Variants in PHACTR1 observed in about 807,000 individuals in gnomAD.
PHACTR1 encodes the protein phosphatase and actin regulator 1.
Under a neutral mutation model 69.2 loss-of-function variants are expected in PHACTR1, and 16 were observed. That is an observed-to-expected ratio of 0.23 (90% CI 0.16 to 0.35). The LOEUF (loss-of-function observed/expected upper bound fraction) is 0.35. Ranked by LOEUF, PHACTR1 falls within the 10% of genes least tolerant of loss-of-function variation. The pLI, the probability that PHACTR1 is intolerant of heterozygous loss-of-function variation, is 1.00. For missense variants in PHACTR1, 510 were observed against 734.7 expected (o/e 0.69, Z 3.54); for synonymous variants, 312 against 284.5 (o/e 1.10, Z -0.97).
At chr6:12,863,998 A>G (rs1043612520) in intron 4 of PHACTR1, among the ~76,000 whole-genome samples, 2 of 152,192 alleles carry the variant, frequency 1.3e-5, no homozygotes, top group African/African-American at 4.8e-5. Context: ...CACCGACACT[A>G]AGGCATTGTG....
rs186559620 is a variant in PHACTR1, at chr6:13,104,629, C to G, written c.415+51100C>G. Among the ~76,000 whole-genome samples the G allele has an allele frequency of 3.6e-3, 549 of 152,212 alleles. 4 individuals carry two copies. The highest frequency in any genetic ancestry group is 0.013 in the African/African-American group (528 of 41,540). ...TAACTTATGAAACTCTTAATTGATA[C>G]AGCCTTTCATTCTCATTGTTGTCTA... On this transcript the variant is annotated intron_variant, in intron 5 of 14. Coordinates refer to ENST00000332995, the MANE Select transcript of PHACTR1 (RefSeq NM_030948.6).
At chr6:13,211,983 G>A (rs899179446) in intron 8 of PHACTR1, among the ~76,000 whole-genome samples, 1 of 152,228 alleles carries the variant, frequency 6.6e-6, no homozygotes, top group Admixed American at 6.5e-5. Flanking sequence ...CTGGACGCTA[G>A]AAGTCCGAGA....
At chr6:13,113,584 G>T (rs779890118) in intron 5 of PHACTR1, among the ~76,000 whole-genome samples, 17 of 152,174 alleles carry the variant, frequency 1.1e-4, no homozygotes, top group Non-Finnish European at 2.5e-4. Context: ...TGCAGCAGAA[G>T]TAGTAAGGGA....
intron 4 of PHACTR1, among the ~76,000 whole-genome samples, chr6:12,812,479 A>G (rs1017331887): frequency 4.6e-5 from 7 of 152,234 alleles, no homozygotes; most frequent in Admixed American, 3.9e-4. Context: ...TCTGAAAACT[A>G]AGGTTAAAAG....
At chr6:13,149,858 A>G (rs1470369261) in intron 5 of PHACTR1, among the ~76,000 whole-genome samples, 3 of 147,828 alleles carry the variant, frequency 2.0e-5, no homozygotes, top group African/African-American at 7.5e-5. Context: ...CTCATCAACT[A>G]TTGTTAGTGT....
chr6:13,059,458 T>TCTCACACA (rs1491194342), intron 5 of PHACTR1, among the ~76,000 whole-genome samples: 4 of 148,248 alleles, frequency 2.7e-5, no homozygotes, highest in African/African-American at 1.0e-4. Flanking sequence ...AATGTTCTTA[T>TCTCACACA]CACACACACA....
At position 12,989,722 on chromosome 6, in the gene PHACTR1, G is replaced by A. The variant is rs563149962; in HGVS notation, c.251-63643G>A. Among the ~76,000 whole-genome samples the A allele has an allele frequency of 7.2e-5, 11 of 152,308 alleles. No homozygotes were observed. The East Asian group carries it at 2.1e-3, about 29-fold the overall frequency. On this transcript the variant is annotated intron_variant, in intron 4 of 14. Coordinates refer to ENST00000332995, the MANE Select transcript of PHACTR1 (RefSeq NM_030948.6). The stretch of plus-strand genomic sequence containing the variant: ...AGGCTGCGAAAGGCCCAGAGTTTTG[G>A]TCTCCACAGTATTTATTGAGTACAG...
At chr6:13,099,809 C>T (rs1376755698) in intron 5 of PHACTR1, among the ~76,000 whole-genome samples, 1 of 152,160 alleles carries the variant, frequency 6.6e-6, no homozygotes, top group Non-Finnish European at 1.5e-5. Context: ...AGTTTGTTTG[C>T]TTGTTTTTTA....
At chr6:13,118,747 G>T (rs1381377038) in intron 5 of PHACTR1, among the ~76,000 whole-genome samples, 2 of 152,122 alleles carry the variant, frequency 1.3e-5, no homozygotes, top group Non-Finnish European at 2.9e-5. Flanking sequence ...AAAGTGTTGG[G>T]ATTACGGCGT....
chr6:12,842,907 T>C (rs1778842612), intron 4 of PHACTR1, among the ~76,000 whole-genome samples: 1 of 152,232 alleles, frequency 6.6e-6, no homozygotes, highest in Admixed American at 6.5e-5. Flanking sequence ...ATTGATTATT[T>C]AAAGAATGTC....
At chr6:13,085,949 C>A (rs184221385) in intron 5 of PHACTR1, among the ~76,000 whole-genome samples, 1 of 150,866 alleles carries the variant, frequency 6.6e-6, no homozygotes. Context: ...TTGAAAAGAG[C>A]CAAAATTAAT....
chr6:13,277,595 T>C (rs947602131), intron 11 of PHACTR1, among the ~76,000 whole-genome samples: 6 of 152,132 alleles, frequency 3.9e-5, no homozygotes, highest in African/African-American at 1.4e-4. Flanking sequence ...CCCAGTCTTA[T>C]CCAAAGAAAG....
intron 6 of PHACTR1, among the ~76,000 whole-genome samples, chr6:13,180,538 C>T (rs994995190): frequency 6.6e-6 from 1 of 152,272 alleles, no homozygotes; most frequent in East Asian, 1.9e-4. Context: ...AAATGTATGG[C>T]AATCATTTGA....
At chr6:13,055,546 A>T (rs1806642025) in intron 5 of PHACTR1, among the ~76,000 whole-genome samples, 1 of 152,214 alleles carries the variant, frequency 6.6e-6, no homozygotes, top group Non-Finnish European at 1.5e-5. Flanking sequence ...TAAAACAAAG[A>T]TGCCATGAGG....
At chr6:12,769,610 A>G (rs977749604) in intron 4 of PHACTR1, among the ~76,000 whole-genome samples, 2 of 152,242 alleles carry the variant, frequency 1.3e-5, no homozygotes, top group African/African-American at 2.4e-5. Flanking sequence ...ATAAGGCAAT[A>G]TGAGTAAAGG....
intron 7 of PHACTR1, among the ~76,000 whole-genome samples, chr6:13,193,357 G>GTATATGTATATATATATATA (rs1554152202): frequency 2.2e-4 from 15 of 68,158 alleles, no homozygotes; most frequent in Non-Finnish European, 4.1e-4. Context: ...AGCTCTCTGT[G>GTATATGTATATATATATATA]TATATATATA....
chr6:12,779,290 G>A (rs376811802), intron 4 of PHACTR1, among the ~76,000 whole-genome samples: 8 of 152,180 alleles, frequency 5.3e-5, no homozygotes, highest in South Asian at 4.1e-4. Context: ...AGCTGAGATC[G>A]CGCCATTGCA....
At chr6:13,157,797 C>A (rs995923347) in intron 5 of PHACTR1, among the ~76,000 whole-genome samples, 2 of 152,244 alleles carry the variant, frequency 1.3e-5, no homozygotes, top group South Asian at 4.1e-4. Context: ...TGTAACAAAC[C>A]CCGTACTTAA....
chr6:12,933,708 T>G lies in PHACTR1; in HGVS notation c.251-119657T>G, dbSNP rs1374291325. 3.1e-6 allele frequency: 5 copies of G among 1,612,730 alleles called. No homozygotes were observed. In the Admixed American group the frequency reaches 8.3e-5, roughly 27 times the overall value. The stretch of plus-strand genomic sequence containing the variant: ...CCAACTCTTGGGCGTCCTCTTGGGC[T>G]CGAACTGTGTTCCCTGGAAAACCAC... On this transcript the variant is annotated intron_variant, in intron 4 of 14. Transcript: ENST00000332995.
Sources: allele counts gnomAD v4.1 joint callset (sites outside exome capture counted in the v4.1 genomes callset), GRCh38; gene constraint gnomAD v4.1.1; transcripts MANE v1.5; gene names NCBI Gene and HGNC (gene_info 2026-07-23, HGNC 2026-07-21).